The following KLF8 variants were observed in gnomAD, a reference collection of about 807,000 sequenced individuals.
KLF8 encodes the protein Krueppel-like factor 8.
Under a neutral mutation model 18.2 loss-of-function variants are expected in KLF8, and 10 were observed. The ratio of observed to expected loss-of-function variants is 0.55; its 90% CI spans 0.34 to 0.93. The LOEUF (loss-of-function observed/expected upper bound fraction) is 0.93, where lower values mean the gene tolerates loss of function less well. Ranked by LOEUF, KLF8 falls within the 40% of genes least tolerant of loss-of-function variation. The pLI is 0.02. For missense variants in KLF8, 264 were observed against 277.9 expected (o/e 0.95, Z 0.36); for synonymous variants, 109 against 97.3 (o/e 1.12, Z -0.71).
intron 1 of KLF8, among the ~76,000 whole-genome samples, chrX:56,240,062 T>G (rs1348523430): frequency 8.9e-6 from 1 of 112,572 alleles, no homozygotes; most frequent in Non-Finnish European, 1.9e-5. Flanking sequence ...GGGGATGTGA[T>G]GTGAATATAT....
At chrX:55,914,615 C>T in the KLF8 span, among the ~76,000 whole-genome samples, 2 of 111,405 alleles carry the variant, frequency 1.8e-5, no homozygotes, top group Admixed American at 1.9e-4. Flanking sequence ...TCAGAGAAGA[C>T]TTGCTAGAGG....
the KLF8 span, among the ~76,000 whole-genome samples, chrX:56,002,058 T>C: frequency 4.9e-4 from 55 of 112,157 alleles, no homozygotes; most frequent in Non-Finnish European, 9.0e-4. Flanking sequence ...ATGAAGTGAT[T>C]TGAGAAAGCT....
chrX:56,069,862 A>G, the KLF8 span, among the ~76,000 whole-genome samples: 1 of 112,505 alleles, frequency 8.9e-6, no homozygotes, highest in African/African-American at 3.2e-5. Flanking sequence ...AAGGATCTAG[A>G]ACCAGAAATA....
the KLF8 span, among the ~76,000 whole-genome samples, chrX:56,101,811 T>C: frequency 2.7e-5 from 3 of 111,929 alleles, no homozygotes; most frequent in Non-Finnish European, 5.7e-5. Context: ...GATATTTACT[T>C]CTTGATTTGC....
the KLF8 span, among the ~76,000 whole-genome samples, chrX:56,079,724 A>C: frequency 1.8e-5 from 2 of 110,280 alleles, no homozygotes; most frequent in African/African-American, 3.3e-5. Flanking sequence ...TGTCTTGTTG[A>C]TCTGTCTAAT....
At chrX:55,953,845 A>G in the KLF8 span, among the ~76,000 whole-genome samples, 1 of 110,997 alleles carries the variant, frequency 9.0e-6, no homozygotes, top group African/African-American at 3.3e-5. Flanking sequence ...TTCTTAAAAG[A>G]AAACATAAAT....
the KLF8 span, among the ~76,000 whole-genome samples, chrX:56,078,028 A>C: frequency 1.8e-5 from 2 of 109,697 alleles, no homozygotes; most frequent in Non-Finnish European, 3.8e-5. Flanking sequence ...TTATCAGCTT[A>C]AGGGGATTTT....
At chrX:55,934,165 G>A in the KLF8 span, among the ~76,000 whole-genome samples, 95 of 111,564 alleles carry the variant, frequency 8.5e-4, 1 homozygote, top group South Asian at 0.011. Flanking sequence ...TTTGCCTTTC[G>A]TCTGTAAATT....
At chrX:56,063,877 A>T in the KLF8 span, among the ~76,000 whole-genome samples, 3 of 110,529 alleles carry the variant, frequency 2.7e-5, no homozygotes, top group African/African-American at 9.9e-5. Flanking sequence ...GAGAGACAGT[A>T]TGGCTATGGC....
intron 2 of KLF8, among the ~76,000 whole-genome samples, chrX:56,251,675 C>T (rs1363507236): frequency 6.3e-5 from 7 of 110,362 alleles, no homozygotes; most frequent in Non-Finnish European, 1.1e-4. Flanking sequence ...ATTGGCTAGG[C>T]TGGTCTCGAA....
the KLF8 span, among the ~76,000 whole-genome samples, chrX:56,033,585 A>C: frequency 8.9e-6 from 1 of 111,825 alleles, no homozygotes; most frequent in Admixed American, 9.4e-5. Flanking sequence ...TTATTGAGGA[A>C]CCACCACACA....
chrX:56,274,727 T>C (rs1205211380), intron 5 of KLF8, among the ~76,000 whole-genome samples: 1 of 111,762 alleles, frequency 8.9e-6, no homozygotes, highest in African/African-American at 3.2e-5. Context: ...ACCTGTGATA[T>C]CCAGTTTTCC....
chrX:56,157,558 C>T, the KLF8 span, among the ~76,000 whole-genome samples: 1 of 111,034 alleles, frequency 9.0e-6, no homozygotes, highest in Non-Finnish European at 1.9e-5. Context: ...CCTGTTGTTT[C>T]CTGACTTTTT....
the KLF8 span, among the ~76,000 whole-genome samples, chrX:56,142,097 G>C: frequency 1.8e-5 from 2 of 111,077 alleles, no homozygotes; most frequent in African/African-American, 6.5e-5. Context: ...TCCCTTGTCT[G>C]TTATGATTTC....
chrX:56,003,126 C>T, the KLF8 span, among the ~76,000 whole-genome samples: 1 of 111,746 alleles, frequency 8.9e-6, no homozygotes, highest in Non-Finnish European at 1.9e-5. Context: ...CACAGTGGCT[C>T]AGGCCTGTAA....
chrX:55,996,881 A>C, the KLF8 span, among the ~76,000 whole-genome samples: 6 of 111,985 alleles, frequency 5.4e-5, no homozygotes, highest in African/African-American at 1.9e-4. Context: ...CATGCTTGTG[A>C]TGGAGGTGGC....
At chrX:56,136,403 G>A in the KLF8 span, among the ~76,000 whole-genome samples, 3 of 111,045 alleles carry the variant, frequency 2.7e-5, no homozygotes, top group African/African-American at 9.8e-5. Context: ...TACCAAAACA[G>A]AGATATAGAT....
intron 1 of KLF8, among the ~76,000 whole-genome samples, chrX:56,235,502 C>T (rs1454516176): frequency 9.5e-6 from 1 of 104,892 alleles, no homozygotes; most frequent in Non-Finnish European, 1.9e-5. Flanking sequence ...CCGCAACCTT[C>T]GCCTCCCAGG....
chrX:56,270,425 G>A, intron 5 of KLF8, 104 bp downstream of exon 5: 2 of 896,090 alleles, frequency 2.2e-6, no homozygotes, highest in Non-Finnish European at 2.9e-6. Context: ...AGAGAGAGGG[G>A]CAGAGAGAGA....
Sources: allele counts gnomAD v4.1 joint callset (sites outside exome capture counted in the v4.1 genomes callset), GRCh38; gene constraint gnomAD v4.1.1; transcripts MANE v1.5; gene names NCBI Gene and HGNC (gene_info 2026-07-23, HGNC 2026-07-21).